ROBO1: variants seen among roughly 807,000 people sequenced by gnomAD.
ROBO1 encodes the protein roundabout guidance receptor 1.
Under a neutral mutation model 195.9 loss-of-function variants are expected in ROBO1, and 149 were observed. That is an observed-to-expected ratio of 0.76 (90% CI 0.67 to 0.87). The LOEUF is 0.87. ROBO1 is among the 40% of genes least tolerant of loss of function. ROBO1 has a pLI of 0.00. For missense variants in ROBO1, 1,933 were observed against 2,068.3 expected (o/e 0.93, Z 1.27); for synonymous variants, 816 against 733.2 (o/e 1.11, Z -1.82).
chr3:78,703,824 CATAT>C (rs138410812), intron 8 of ROBO1, among the ~76,000 whole-genome samples: 2 of 151,012 alleles, frequency 1.3e-5, no homozygotes, highest in Non-Finnish European at 1.5e-5. Context: ...CACACACACA[CATAT>C]ATATATATAA....
chr3:79,193,581 C>CTTTTTTTTT (rs869203963), intron 2 of ROBO1, among the ~76,000 whole-genome samples: 10 of 85,606 alleles, frequency 1.2e-4, no homozygotes, highest in Non-Finnish European at 1.6e-4. Context: ...TGTGGTTTTG[C>CTTTTTTTTT]TTTTTTTTTT....
At chr3:79,345,038 T>C (rs2035058119) in intron 2 of ROBO1, among the ~76,000 whole-genome samples, 1 of 152,146 alleles carries the variant, frequency 6.6e-6, no homozygotes, top group African/African-American at 2.4e-5. Context: ...CTCTTTCCTT[T>C]AGAAACTACA....
At chr3:79,759,185 C>T (rs762552400) in intron 1 of ROBO1, among the ~76,000 whole-genome samples, 6 of 152,066 alleles carry the variant, frequency 3.9e-5, no homozygotes, top group South Asian at 2.1e-4. Context: ...TCTATGACTG[C>T]GTATAAGTAA....
At chr3:79,268,584 A>C (rs1000334314) in intron 2 of ROBO1, among the ~76,000 whole-genome samples, 3 of 151,552 alleles carry the variant, frequency 2.0e-5, no homozygotes, top group Non-Finnish European at 4.4e-5. Flanking sequence ...ATGGCACTTA[A>C]TTCCAGGTCA....
intron 4 of ROBO1, among the ~76,000 whole-genome samples, chr3:78,760,926 C>T (rs2083086310): frequency 6.6e-6 from 1 of 151,800 alleles, no homozygotes. Context: ...TTTTTTTCTT[C>T]ACCCAACATA....
intron 2 of ROBO1, among the ~76,000 whole-genome samples, chr3:79,487,378 G>GTTTGT (rs374461950): frequency 7.2e-5 from 11 of 152,052 alleles, no homozygotes; most frequent in African/African-American, 1.9e-4. Context: ...TTCTGTGTGT[G>GTTTGT]TTTGTTTTGT....
intron 2 of ROBO1, among the ~76,000 whole-genome samples, chr3:79,141,035 C>T (rs1305499498): frequency 1.3e-5 from 2 of 152,102 alleles, no homozygotes; most frequent in African/African-American, 2.4e-5. Context: ...GAAATTACCC[C>T]GCAGATTTCT....
intron 3 of ROBO1, among the ~76,000 whole-genome samples, chr3:79,010,908 A>T (rs1401230647): frequency 6.6e-6 from 1 of 152,102 alleles, no homozygotes; most frequent in Non-Finnish European, 1.5e-5. Flanking sequence ...AGATTTTGGA[A>T]ATATATTACT....
chr3:78,938,488 T>A (rs2271575), intron 4 of ROBO1, 113 bp downstream of exon 4: 41,630 of 825,142 alleles, frequency 0.05, 4,817 homozygotes, highest in African/African-American at 0.39. Flanking sequence ...AAAGCTAGAG[T>A]TTATCCTCAG....
chr3:78,705,297 TCATAGAAACAGTAACAACAACTGTATTTG>T (rs2081523191), intron 8 of ROBO1, among the ~76,000 whole-genome samples: 1 of 152,168 alleles, frequency 6.6e-6, no homozygotes, highest in South Asian at 2.1e-4. Context: ...AGAAAAACAA[TCATAGAAACAGTAACAACAACTGTATTTG>T]CATAAGCACC....
At chr3:79,312,905 C>A (rs920109792) in intron 2 of ROBO1, among the ~76,000 whole-genome samples, 2 of 152,142 alleles carry the variant, frequency 1.3e-5, no homozygotes, top group African/African-American at 4.8e-5. Flanking sequence ...ATACATATAC[C>A]TATACACATA....
Position 79,767,828 on chromosome 3 carries a change from G to A in ROBO1, c.-127C>T, listed in dbSNP as rs1705078789. The A allele has an allele frequency of 1.3e-5, 2 of 152,208 alleles. No individual in the cohort carries two copies. The highest frequency in any genetic ancestry group is 2.4e-5 in the African/African-American group (1 of 41,456). The allele number at this position is 152,208 out of a possible 1,614,324, so 9.4% of individuals were successfully genotyped here. On this transcript the variant is annotated 5_prime_UTR_variant, in exon 1 of 31. Coordinates refer to ENST00000464233, the MANE Select transcript of ROBO1 (RefSeq NM_002941.4). Reference sequence around the variant, plus strand: ...GCCCTGCAACTTTGCTGTGCACTGAGACCTTTCCGAGTTTAAACCAAGCGA... The same window carrying A: ...GCCCTGCAACTTTGCTGTGCACTGAAACCTTTCCGAGTTTAAACCAAGCGA...
chr3:78,923,781 C>A (rs1319822822), intron 4 of ROBO1, among the ~76,000 whole-genome samples: 1 of 152,042 alleles, frequency 6.6e-6, no homozygotes, highest in Non-Finnish European at 1.5e-5. Flanking sequence ...TACTTGAGTT[C>A]CTCTAAGAAG....
Position 78,617,842 on chromosome 3 carries a change from C to T in ROBO1, c.4075G>A (p.Val1359Ile), listed in dbSNP as rs1559652070. 1 of 1,613,972 alleles carries T rather than the reference C, an allele frequency of 6.2e-7. No homozygotes were observed. Among genetic ancestry groups the T allele is most frequent in the Non-Finnish European group, 8.5e-7 (1 of 1,179,878 alleles). The change falls in exon 27 of 31, where the codon GTT becomes ATT. Residue 1359 changes from valine to isoleucine, a missense_variant. Coordinates refer to ENST00000464233, the MANE Select transcript of ROBO1 (RefSeq NM_002941.4). Reference sequence around the variant, plus strand: ...GTGACAGAGCTCTCCAGGTCCCCAACACTGGAGGCAGGTGTCTGCTCAAGC... The same window carrying T: ...GTGACAGAGCTCTCCAGGTCCCCAATACTGGAGGCAGGTGTCTGCTCAAGC... ...RGLEQTPASS[V>I]GDLESSVTGS...
rs540112548 is a variant in ROBO1, at chr3:78,746,782, T to G, written c.618A>C (p.Lys206Asn). The change falls in exon 5 of 31, where the codon AAA becomes AAC. Residue 206 changes from lysine to asparagine, a missense_variant. By Grantham distance (94) the Lys-to-Asn change is moderately conservative (BLOSUM62 0). Around this residue, in one of 3 missense-constraint regions of ROBO1, gnomAD observed 1,737 missense variants for 1,882.5 expected, o/e 0.92. Coordinates refer to ENST00000464233, the MANE Select transcript of ROBO1 (RefSeq NM_002941.4). ...CTTTATCATCCAGTGGAGAGCCATCTTTCTTCCATGAAATGGTGGGCTCAG... is the reference window on the plus strand; with the variant it reads ...CTTTATCATCCAGTGGAGAGCCATCGTTCTTCCATGAAATGGTGGGCTCAG... Reference protein sequence around the residue: ...GHPEPTISWKKDGSPLDDKDE... With the variant: ...GHPEPTISWKNDGSPLDDKDE... 6.3e-7 allele frequency: 1 copy of G among 1,577,886 alleles called. No homozygotes were observed. Among genetic ancestry groups the G allele is most frequent in the Admixed American group, 1.7e-5 (1 of 58,086 alleles).
At chr3:79,042,669 T>C (rs1324398364) in intron 3 of ROBO1, among the ~76,000 whole-genome samples, 2 of 152,174 alleles carry the variant, frequency 1.3e-5, no homozygotes, top group Non-Finnish European at 2.9e-5. Context: ...ATTGAAACTT[T>C]CTATAAGTAC....
At chr3:78,943,892 G>C (rs920421775) in intron 3 of ROBO1, among the ~76,000 whole-genome samples, 1 of 152,102 alleles carries the variant, frequency 6.6e-6, no homozygotes, top group Non-Finnish European at 1.5e-5. Flanking sequence ...TCAGGAAAAA[G>C]ATCTTCCAAT....
chr3:79,304,355 A>C (rs2033123853), intron 2 of ROBO1, among the ~76,000 whole-genome samples: 1 of 152,218 alleles, frequency 6.6e-6, no homozygotes, highest in Non-Finnish European at 1.5e-5. Context: ...TCAGTTAAAA[A>C]AAATACTATA....
chr3:79,637,093 CAT>C lies in ROBO1; in HGVS notation c.-50-47134_-50-47133del, dbSNP rs760775968. ...CTAATTTCAACAGCCCAATAAACCA[CAT>C]GTGTCCAGACGCTATGGTAATTGGG... On this transcript the variant is annotated intron_variant, in intron 1 of 30. Transcript: ENST00000464233. Among the ~76,000 whole-genome samples, 12 of 152,260 alleles carry C rather than the reference CAT, an allele frequency of 7.9e-5. No individual in the cohort carries two copies. In the East Asian group the frequency reaches 1.5e-3, roughly 20 times the overall value.
Sources: gnomAD v4.1 joint callset for allele counts (sites outside exome capture counted in the v4.1 genomes callset) on GRCh38, gnomAD v4.1.1 for gene constraint, gnomAD v4.1.1 regional missense constraint, MANE v1.5 for transcripts, NCBI Gene and HGNC (gene_info 2026-07-23, HGNC 2026-07-21) for gene names.